The following C2CD2 variants were observed in gnomAD, a reference collection of about 807,000 sequenced individuals.
C2CD2 encodes C2 calcium dependent domain containing 2, also known as C2 domain-containing protein 2.
In C2CD2, 43 loss-of-function variants were observed where a neutral mutation model predicts 74.3. The observed-to-expected ratio is 0.58, with a 90% CI of 0.45 to 0.75. The LOEUF is 0.75. Ranked by LOEUF, C2CD2 falls within the 30% of genes least tolerant of loss-of-function variation. The probability of loss-of-function intolerance (pLI) is 0.00; values close to 1 mark genes in which losing one functional copy is unlikely to be tolerated. For synonymous variants in C2CD2, 422 were observed against 390.7 expected, an observed-to-expected ratio of 1.08 and a Z score of -0.94; for missense variants, 801 against 916.3, an observed-to-expected ratio of 0.87 and a Z score of 1.63.
rs555189031 is a variant in C2CD2, at chr21:41,953,699, G to A, written c.-51C>T. Reference sequence around the variant, plus strand: ...CAACTTCCCCGGCAGCCCCGGGCCGGAACGGCGGACTCAGGACACGCGCTG... The same window carrying A: ...CAACTTCCCCGGCAGCCCCGGGCCGAAACGGCGGACTCAGGACACGCGCTG... On this transcript the variant is annotated 5_prime_UTR_variant, in exon 1 of 14. Transcript: ENST00000380486. The A allele has an allele frequency of 1.5e-6, 2 of 1,333,336 alleles. No individual in the cohort carries two copies. Among genetic ancestry groups the A allele is most frequent in the South Asian group, 1.9e-5 (1 of 53,904 alleles). The allele number at this position is 1,333,336 out of a possible 1,614,324, so 82.6% of individuals were successfully genotyped here.
In C2CD2 at chr21:41,923,396, G is replaced by T. The variant is rs1435411860; in HGVS notation, c.379-1311C>A. Among the ~76,000 whole-genome samples, 5 of 152,108 alleles carry T rather than the reference G, an allele frequency of 3.3e-5. No individual in the cohort carries two copies. In the East Asian group the frequency reaches 9.6e-4, roughly 29 times the overall value. On this transcript the variant is annotated intron_variant, in intron 2 of 13. Transcript: ENST00000380486. The surrounding 1 kb of genome is among the most constrained non-coding windows in gnomAD (Gnocchi z 5.8). ...CATTCATACACAGTCAAAGCCATTA[G>T]CCAAGTTCTTTTGCTAAAAATGAGT... is the stretch of plus-strand genomic sequence containing the variant.
rs745365592 is a variant in C2CD2, at chr21:41,907,121, G to A, written c.1189C>T (p.Pro397Ser). The A allele has an allele frequency of 6.4e-5, 104 of 1,614,020 alleles. No homozygotes were observed. The highest frequency in any genetic ancestry group is 8.5e-5 in the Non-Finnish European group (100 of 1,179,962). Residue 397 changes from proline (P) to serine (S), a missense_variant, in exon 10 of 14, where the codon CCC becomes TCC. Pro to Ser is a moderately conservative substitution (Grantham distance 74). Transcript: ENST00000380486. Reference sequence around the variant, plus strand: ...TCTATTTTTGCAGCAGGAACAGGGGGAGGGATGGGCCAGGATTTCAATTCA... The same window carrying A: ...TCTATTTTTGCAGCAGGAACAGGGGAAGGGATGGGCCAGGATTTCAATTCA... Reference protein sequence around the residue: ...PGELKSWPIPPPVPAAKIEKD... With the variant: ...PGELKSWPIPSPVPAAKIEKD...
Position 41,903,550 on chromosome 21 carries a change from G to A in C2CD2, c.1433-1801C>T, listed in dbSNP as rs2064924448. On this transcript the variant is annotated intron_variant, in intron 11 of 13. Transcript: ENST00000380486. The surrounding 1 kb of genome is among the most constrained non-coding windows in gnomAD (Gnocchi z 4.5). ...GGCGTCAGGAGTGTTGTGAGTAGAGGAACAGATTTTTGTTTAGCCACTGAC... is the reference window on the plus strand; with the variant it reads ...GGCGTCAGGAGTGTTGTGAGTAGAGAAACAGATTTTTGTTTAGCCACTGAC... Among the ~76,000 whole-genome samples the A allele has an allele frequency of 6.6e-6, 1 of 152,208 alleles. No individual in the cohort carries two copies. The highest frequency in any genetic ancestry group is 2.1e-4 in the South Asian group (1 of 4,826).
chr21:41,905,406 C>T lies in C2CD2; in HGVS notation c.1432+318G>A, dbSNP rs187868035. On this transcript the variant is annotated intron_variant, in intron 11 of 13. Coordinates refer to ENST00000380486, the MANE Select transcript of C2CD2 (RefSeq NM_015500.2). Reference sequence around the variant, plus strand: ...AATCTCGGCTCACTGCAACCTCTGCCTCCCAGGTTCAAGCGATTCTCCTGC... The same window carrying T: ...AATCTCGGCTCACTGCAACCTCTGCTTCCCAGGTTCAAGCGATTCTCCTGC... 3.2e-3 allele frequency among the ~76,000 whole-genome samples: 489 copies of T among 150,908 alleles called. 3 individuals carry two copies. Among genetic ancestry groups the T allele is most frequent in the African/African-American group, 0.011 (439 of 40,484 alleles).
chr21:41,947,802 C>T (rs1365060668), intron 1 of C2CD2, among the ~76,000 whole-genome samples: 1 of 152,202 alleles, frequency 6.6e-6, no homozygotes, highest in Admixed American at 6.5e-5. Context: ...CACAGAGACT[C>T]TCCCAGGATC....
chr21:41,917,988 T>C, intron 5 of C2CD2, 117 bp downstream of exon 5: 1 of 1,207,404 alleles, frequency 8.3e-7, no homozygotes, highest in Non-Finnish European at 1.2e-6. Context: ...ACCCGAGCCA[T>C]CTTGGCTCTA....
chr21:41,912,310 C>G, intron 7 of C2CD2, 22 bp downstream of exon 7: 1 of 1,475,308 alleles, frequency 6.8e-7, no homozygotes. Context: ...GACACACAGG[C>G]CCATAACCCG....
At chr21:41,942,086 A>G (rs2065359051) in intron 2 of C2CD2, 61 bp downstream of exon 2, 1 of 1,537,364 alleles carries the variant, frequency 6.5e-7, no homozygotes, top group African/African-American at 1.4e-5. Flanking sequence ...AAACAAAGCA[A>G]ACTCCCCGTC....
Position 41,912,320 on chromosome 21 carries a change from G to C in C2CD2, c.953+12C>G. ...CCGTGGACACACAGGCCCATAACCC[G>C]GCCAGACTCACAAGGTGAATTCCTC... On this transcript the variant is annotated intron_variant, in intron 7 of 13. Coordinates refer to ENST00000380486, the MANE Select transcript of C2CD2 (RefSeq NM_015500.2). The C allele has an allele frequency of 1.3e-6, 2 of 1,572,156 alleles. No homozygotes were observed. The highest frequency in any genetic ancestry group is 2.2e-5 in the South Asian group (2 of 88,998).
chr21:41,907,923 ATGTTTG>A, intron 8 of C2CD2, 139 bp from the exon 9 acceptor site: 1 of 845,682 alleles, frequency 1.2e-6, no homozygotes, highest in Admixed American at 2.4e-5. Context: ...ACGTTTCAGA[ATGTTTG>A]AAAAATGTCG....
Position 41,950,139 on chromosome 21 carries a change from TA to T in C2CD2, c.279+3230del, listed in dbSNP as rs377552960. 3.3e-3 allele frequency among the ~76,000 whole-genome samples: 453 copies of T among 137,528 alleles called. 2 individuals are homozygous for T. The highest frequency in any genetic ancestry group is 8.0e-3 in the African/African-American group (300 of 37,524). The allele number at this position is 137,528 out of a possible 152,430, so 90.2% of individuals were successfully genotyped here. ...TACCCTAGAACTTAAAGTATCATAA[TA>T]AAAAAAAAAAGGAAAAAAAAGAAAG... On this transcript the variant is annotated intron_variant, in intron 1 of 13. Transcript: ENST00000380486.
intron 2 of C2CD2, among the ~76,000 whole-genome samples, chr21:41,930,337 G>C (rs930341585): frequency 6.7e-6 from 1 of 149,922 alleles, no homozygotes; most frequent in Non-Finnish European, 1.5e-5. Flanking sequence ...GGGAGCAGGG[G>C]GAAGTGGAGA....
chr21:41,900,691 G>A (rs893602343), intron 12 of C2CD2, among the ~76,000 whole-genome samples: 23 of 152,264 alleles, frequency 1.5e-4, no homozygotes, highest in African/African-American at 5.5e-4. Flanking sequence ...CATCTTCTGC[G>A]TGCCCTCTGC....
At chr21:41,930,420 G>C (rs1334002298) in intron 2 of C2CD2, among the ~76,000 whole-genome samples, 1 of 149,880 alleles carries the variant, frequency 6.7e-6, no homozygotes, top group African/African-American at 2.4e-5. Flanking sequence ...GGGGTATTCA[G>C]GGCCAGGCAC....
At chr21:41,917,851 G>C (rs892186193) in intron 5 of C2CD2, among the ~76,000 whole-genome samples, 6 of 152,168 alleles carry the variant, frequency 3.9e-5, no homozygotes, top group African/African-American at 1.4e-4. Context: ...GTCCTGGAAA[G>C]ATGAGGTCTA....
Position 41,953,427 on chromosome 21 carries a change from C to T in C2CD2, c.222G>A (p.Arg74=). 1 of 1,452,172 alleles carries T rather than the reference C, an allele frequency of 6.9e-7. No individual in the cohort carries two copies. The highest frequency in any genetic ancestry group is 9.1e-7 in the Non-Finnish European group (1 of 1,095,040). 90.0% of individuals were successfully genotyped at this position (1,452,172 alleles called of 1,614,324 possible). ...TCACCCAGGCCGCCTGCCACTGGCT[C>T]CTCCAGCTGCCCAGCGTCAGGATCC... ...LSWILTLGSW[R]SQWQAAWVTA... Residue 74 remains arginine, a synonymous_variant, in exon 1 of 14, where the codon AGG becomes AGA. Transcript: ENST00000380486.
At position 41,932,857 on chromosome 21, in the gene C2CD2, G is replaced by A. The variant is rs549814728; in HGVS notation, c.378+9290C>T. On this transcript the variant is annotated intron_variant, in intron 2 of 13. Transcript: ENST00000380486. ...GCAAAGGTGATGACTTGGACACACCGAGGCCTTCAGGGTGGCAGGAGAAAG... is the reference window on the plus strand; with the variant it reads ...GCAAAGGTGATGACTTGGACACACCAAGGCCTTCAGGGTGGCAGGAGAAAG... Among the ~76,000 whole-genome samples the A allele has an allele frequency of 3.3e-5, 5 of 150,390 alleles. No individual in the cohort carries two copies. In the South Asian group the frequency reaches 8.5e-4, roughly 26 times the overall value.
At chr21:41,932,665 T>G (rs912154975) in intron 2 of C2CD2, among the ~76,000 whole-genome samples, 9 of 150,662 alleles carry the variant, frequency 6.0e-5, no homozygotes, top group Admixed American at 4.0e-4. Flanking sequence ...GTGTTGTGAG[T>G]AAACATAGTT....
At chr21:41,937,367 T>C (rs2065317927) in intron 2 of C2CD2, among the ~76,000 whole-genome samples, 2 of 152,224 alleles carry the variant, frequency 1.3e-5, no homozygotes, top group African/African-American at 2.4e-5. Context: ...TCCACCTGCC[T>C]CAGCCTCCCA....
Sources: allele counts gnomAD v4.1 joint callset (sites outside exome capture counted in the v4.1 genomes callset), GRCh38; gene constraint gnomAD v4.1.1; non-coding constraint Gnocchi (gnomAD v3.1); transcripts MANE v1.5; gene names NCBI Gene and HGNC (gene_info 2026-07-23, HGNC 2026-07-21).